The following PPP1R9A variants were observed in gnomAD, a reference collection of about 807,000 sequenced individuals.
PPP1R9A encodes neurabin-1.
In PPP1R9A, 59 loss-of-function variants were observed where a neutral mutation model predicts 141.9. That is an observed-to-expected ratio of 0.42 (90% CI 0.34 to 0.52). The LOEUF (loss-of-function observed/expected upper bound fraction) is 0.52. Among genes scored for constraint, PPP1R9A ranks in the 20% least tolerant of loss-of-function variants. PPP1R9A has a pLI of 0.10. For synonymous variants in PPP1R9A, 500 were observed against 569.7 expected, an observed-to-expected ratio of 0.88 and a Z score of 1.74; for missense variants, 1,444 against 1,611.9, an observed-to-expected ratio of 0.90 and a Z score of 1.78.
intron 2 of PPP1R9A, among the ~76,000 whole-genome samples, chr7:94,913,443 C>A (rs778168170): frequency 1.3e-5 from 2 of 152,036 alleles, no homozygotes; most frequent in Non-Finnish European, 2.9e-5. Context: ...TGCATTTCAT[C>A]AAGAATAAGA....
intron 2 of PPP1R9A, among the ~76,000 whole-genome samples, chr7:95,026,009 T>C (rs1806783482): frequency 6.6e-6 from 1 of 152,188 alleles, no homozygotes; most frequent in African/African-American, 2.4e-5. Context: ...CTTCCTTGCA[T>C]TGGGTTAGAA....
chr7:95,096,984 C>T (rs1818120874), intron 2 of PPP1R9A, among the ~76,000 whole-genome samples: 1 of 152,164 alleles, frequency 6.6e-6, no homozygotes, highest in Non-Finnish European at 1.5e-5. Context: ...GGCCCACATC[C>T]CTTTATTACG....
chr7:95,001,540 G>T (rs1002038833), intron 2 of PPP1R9A, among the ~76,000 whole-genome samples: 1 of 152,174 alleles, frequency 6.6e-6, no homozygotes, highest in South Asian at 2.1e-4. Flanking sequence ...ATTGCCATGT[G>T]ACTCTCACAA....
intron 2 of PPP1R9A, among the ~76,000 whole-genome samples, chr7:95,006,684 A>C (rs374741532): frequency 1.8e-4 from 28 of 152,272 alleles, no homozygotes; most frequent in African/African-American, 6.3e-4. Flanking sequence ...AGAAAAAATA[A>C]AATTTACTAC....
chr7:95,001,482 G>A (rs543767525), intron 2 of PPP1R9A, among the ~76,000 whole-genome samples: 95 of 152,302 alleles, frequency 6.2e-4, no homozygotes, highest in African/African-American at 2.2e-3. Flanking sequence ...GAGCCTGTAA[G>A]TCATGTAATA....
chr7:94,938,905 G>C (rs530557391), intron 2 of PPP1R9A, among the ~76,000 whole-genome samples: 1 of 152,148 alleles, frequency 6.6e-6, no homozygotes, highest in Non-Finnish European at 1.5e-5. Flanking sequence ...TCTTAGACAC[G>C]TATCGTGATG....
intron 2 of PPP1R9A, among the ~76,000 whole-genome samples, chr7:95,067,248 G>A (rs919828016): frequency 1.1e-4 from 16 of 152,192 alleles, no homozygotes; most frequent in South Asian, 2.1e-4. Context: ...TCCAGGAAAT[G>A]GGATCCAGCA....
intron 2 of PPP1R9A, among the ~76,000 whole-genome samples, chr7:94,918,557 A>G (rs1298434165): frequency 6.6e-6 from 1 of 152,062 alleles, no homozygotes; most frequent in Non-Finnish European, 1.5e-5. Flanking sequence ...TAGTATATTC[A>G]CAGTGTTGTG....
At chr7:95,236,467 T>A (rs1045808766) in intron 8 of PPP1R9A, among the ~76,000 whole-genome samples, 2 of 151,948 alleles carry the variant, frequency 1.3e-5, no homozygotes, top group Non-Finnish European at 2.9e-5. Context: ...TTTGGTATTT[T>A]GCATTTTTCA....
intron 2 of PPP1R9A, among the ~76,000 whole-genome samples, chr7:95,082,421 C>T (rs1816001852): frequency 6.6e-6 from 1 of 150,520 alleles, no homozygotes; most frequent in Non-Finnish European, 1.5e-5. Context: ...GCAGAGTTGT[C>T]TGCTGCCTGG....
intron 5 of PPP1R9A, among the ~76,000 whole-genome samples, chr7:95,187,631 A>G (rs1210760892): frequency 2.0e-5 from 3 of 152,094 alleles, no homozygotes; most frequent in African/African-American, 7.2e-5. Context: ...TTTTTGATGT[A>G]GGCAGTTAAT....
intron 6 of PPP1R9A, among the ~76,000 whole-genome samples, chr7:95,202,122 A>G (rs11973330): frequency 6.6e-6 from 1 of 152,000 alleles, no homozygotes; most frequent in Non-Finnish European, 1.5e-5. Flanking sequence ...AGAAAGATTA[A>G]CTTACAATAT....
intron 5 of PPP1R9A, among the ~76,000 whole-genome samples, chr7:95,185,833 C>G (rs986838651): frequency 1.3e-5 from 2 of 152,064 alleles, no homozygotes; most frequent in African/African-American, 4.8e-5. Context: ...CATCAGTTGG[C>G]TGTAAATATT....
chr7:94,926,503 G>T (rs1041876996), intron 2 of PPP1R9A, among the ~76,000 whole-genome samples: 2 of 152,174 alleles, frequency 1.3e-5, no homozygotes, highest in Admixed American at 6.5e-5. Context: ...TTTAGAGGTT[G>T]CAGTAACTTG....
chr7:95,118,146 T>C (rs1174440059), intron 3 of PPP1R9A, among the ~76,000 whole-genome samples: 1 of 152,170 alleles, frequency 6.6e-6, no homozygotes, highest in Non-Finnish European at 1.5e-5. Context: ...ATGTAACCAG[T>C]GTGGGAGAGC....
chr7:95,092,659 G>C (rs1817516260), intron 2 of PPP1R9A, among the ~76,000 whole-genome samples: 1 of 152,190 alleles, frequency 6.6e-6, no homozygotes, highest in African/African-American at 2.4e-5. Flanking sequence ...CCAAATTTTG[G>C]AGATACAGTG....
chr7:95,260,108 A>G (rs894362853), intron 12 of PPP1R9A, among the ~76,000 whole-genome samples: 4 of 152,206 alleles, frequency 2.6e-5, no homozygotes, highest in Admixed American at 6.6e-5. Context: ...TGAGAAATCA[A>G]TATTTATTGA....
intron 17 of PPP1R9A, among the ~76,000 whole-genome samples, chr7:95,285,001 A>G (rs1276893036): frequency 6.6e-6 from 1 of 152,202 alleles, no homozygotes; most frequent in East Asian, 1.9e-4. Context: ...AATCTTTTCA[A>G]CAGCTCAAAG....
chr7:95,022,392 AAATATAC>A (rs755069486), intron 2 of PPP1R9A, among the ~76,000 whole-genome samples: 7 of 151,632 alleles, frequency 4.6e-5, no homozygotes. Context: ...TGGAGTTTGT[AAATATAC>A]AATATACAAT....
Sources: gnomAD v4.1 joint callset for allele counts (sites outside exome capture counted in the v4.1 genomes callset) on GRCh38, gnomAD v4.1.1 for gene constraint, MANE v1.5 for transcripts, NCBI Gene and HGNC (gene_info 2026-07-23, HGNC 2026-07-21) for gene names.